The following PHF21B variants were observed in gnomAD, a reference collection of about 807,000 sequenced individuals.
PHF21B encodes the protein PHD finger protein 21B.
Under a neutral mutation model 62.2 loss-of-function variants are expected in PHF21B, and 22 were observed. That is an observed-to-expected ratio of 0.35 (90% CI 0.25 to 0.51). The LOEUF is 0.51. Ranked by LOEUF, PHF21B falls within the 20% of genes least tolerant of loss-of-function variation. PHF21B has a pLI of 0.97. For synonymous variants in PHF21B, 341 were observed against 314.7 expected, an observed-to-expected ratio of 1.08 and a Z score of -0.88; for missense variants, 701 against 707.9, an observed-to-expected ratio of 0.99 and a Z score of 0.11.
At chr22:44,979,199 T>C (rs78129177) in intron 2 of PHF21B, among the ~76,000 whole-genome samples, 2,369 of 152,326 alleles carry the variant, frequency 0.016, 47 homozygotes, top group African/African-American at 0.051. Context: ...ATCCTCCTGC[T>C]GGCTTGGGGG....
chr22:44,913,977 G>C lies in PHF21B; in HGVS notation c.676C>G (p.His226Asp), dbSNP rs748056039. 40 of 1,611,218 alleles carry C rather than the reference G, an allele frequency of 2.5e-5. No homozygotes were observed. The highest frequency in any genetic ancestry group is 3.2e-5 in the Non-Finnish European group (38 of 1,178,132). Residue 226 changes from histidine to aspartate, a missense_variant, in exon 5 of 13, where the codon CAT becomes GAT. Transcript: ENST00000313237. ...PSPSLSPSPL[H>D]GIFQVIIIQP... ...ATGATGATGACCTGGAAGATGCCAT[G>C]GAGGGGTGAAGGGGACAGTGATGGG...
At position 44,922,805 on chromosome 22, in the gene PHF21B, G is replaced by A. The variant is rs148304430; in HGVS notation, c.121-2315C>T. ...TGTACACTGGAAACTTCCAAATATC[G>A]CCAAAAGAATTGTTTAAAGACTTAA... On this transcript the variant is annotated intron_variant, in intron 2 of 12. Transcript: ENST00000313237. 1.4e-4 allele frequency among the ~76,000 whole-genome samples: 21 copies of A among 152,120 alleles called. No individual in the cohort carries two copies. In the East Asian group the frequency reaches 3.5e-3, roughly 25 times the overall value.
At chr22:44,908,685 G>A (rs1049092173) in intron 5 of PHF21B, among the ~76,000 whole-genome samples, 27 of 152,304 alleles carry the variant, frequency 1.8e-4, no homozygotes, top group African/African-American at 6.5e-4. Context: ...CTCCTGTGAC[G>A]TTTCTGGGGG....
chr22:44,975,476 TG>T (rs372890752), intron 2 of PHF21B, among the ~76,000 whole-genome samples: 177 of 152,300 alleles, frequency 1.2e-3, no homozygotes, highest in African/African-American at 4.0e-3. Context: ...GTACTGCACA[TG>T]GAGTCCCCTC....
chr22:44,890,253 A>T (rs75646706), intron 8 of PHF21B, among the ~76,000 whole-genome samples: 3,732 of 152,268 alleles, frequency 0.025, 152 homozygotes, highest in African/African-American at 0.084. Flanking sequence ...CCCGGGGGGA[A>T]GGAAACATCA....
At chr22:44,968,327 T>C (rs1302132197) in intron 2 of PHF21B, among the ~76,000 whole-genome samples, 1 of 152,152 alleles carries the variant, frequency 6.6e-6, no homozygotes, top group African/African-American at 2.4e-5. Context: ...ATGCAACACA[T>C]ATTGAGTATC....
intron 10 of PHF21B, among the ~76,000 whole-genome samples, chr22:44,886,747 C>T (rs1166898459): frequency 1.3e-5 from 2 of 152,118 alleles, no homozygotes; most frequent in African/African-American, 2.4e-5. Context: ...GGCAGGTAGC[C>T]GCAGAGGGAA....
intron 2 of PHF21B, among the ~76,000 whole-genome samples, chr22:45,001,712 TG>T (rs751795177): frequency 6.6e-6 from 1 of 152,194 alleles, no homozygotes; most frequent in African/African-American, 2.4e-5. Flanking sequence ...TTCATATTCG[TG>T]GAATTAACCT....
At chr22:45,008,668 G>A in intron 1 of PHF21B, 58 bp from the exon 2 acceptor site, 9 of 1,305,666 alleles carry the variant, frequency 6.9e-6, no homozygotes, top group South Asian at 5.8e-5. Context: ...GTGCACCCCA[G>A]CACCGCGGGC....
intron 2 of PHF21B, among the ~76,000 whole-genome samples, chr22:44,946,695 T>C (rs1455126090): frequency 6.6e-6 from 1 of 152,098 alleles, no homozygotes; most frequent in East Asian, 1.9e-4. Flanking sequence ...CAGAAGACTC[T>C]CCTGCCTCAT....
At chr22:44,902,762 T>C (rs1414861100) in intron 5 of PHF21B, among the ~76,000 whole-genome samples, 9 of 152,048 alleles carry the variant, frequency 5.9e-5, no homozygotes, top group Admixed American at 1.3e-4. Flanking sequence ...AATTTTTTTT[T>C]CCTAGTATTC....
At chr22:44,947,603 T>A (rs1216015460) in intron 2 of PHF21B, among the ~76,000 whole-genome samples, 1 of 152,166 alleles carries the variant, frequency 6.6e-6, no homozygotes, top group Non-Finnish European at 1.5e-5. Flanking sequence ...AGGCACCAAA[T>A]TCTGCCTCTC....
intron 2 of PHF21B, among the ~76,000 whole-genome samples, chr22:44,930,945 C>T (rs1303839601): frequency 6.6e-6 from 1 of 152,208 alleles, no homozygotes; most frequent in Non-Finnish European, 1.5e-5. Flanking sequence ...GTGACAGCCC[C>T]GATACCCAGC....
At chr22:44,975,134 C>T (rs2072713176) in intron 2 of PHF21B, among the ~76,000 whole-genome samples, 1 of 152,226 alleles carries the variant, frequency 6.6e-6, no homozygotes, top group Admixed American at 6.5e-5. Flanking sequence ...AGCAGAGAAT[C>T]TTCCTGAAGC....
At chr22:44,999,774 G>A (rs915644390) in intron 2 of PHF21B, among the ~76,000 whole-genome samples, 1 of 151,964 alleles carries the variant, frequency 6.6e-6, no homozygotes, top group Non-Finnish European at 1.5e-5. Flanking sequence ...ACTCACCAGG[G>A]GTGTGATCTC....
At chr22:44,995,064 G>A (rs1446009477) in intron 2 of PHF21B, among the ~76,000 whole-genome samples, 1 of 152,202 alleles carries the variant, frequency 6.6e-6, no homozygotes, top group Non-Finnish European at 1.5e-5. Flanking sequence ...AAACAAAGCA[G>A]CAGAGGTGCA....
intron 2 of PHF21B, among the ~76,000 whole-genome samples, chr22:44,961,404 G>A (rs1395561478): frequency 3.3e-5 from 5 of 152,072 alleles, no homozygotes; most frequent in Admixed American, 1.3e-4. Context: ...TTCAACCCTC[G>A]CTCCCCTCCT....
At chr22:44,926,025 C>T (rs900663404) in intron 2 of PHF21B, among the ~76,000 whole-genome samples, 19 of 65,904 alleles carry the variant, frequency 2.9e-4, no homozygotes, top group African/African-American at 7.4e-4. Flanking sequence ...AGTAAGCAAG[C>T]CCTGTGGTGG....
At chr22:44,889,632 A>C in intron 9 of PHF21B, 128 bp downstream of exon 9, 1 of 1,184,934 alleles carries the variant, frequency 8.4e-7, no homozygotes, top group Non-Finnish European at 1.2e-6. Context: ...TAGCACCTAA[A>C]GGCAGAACCG....
Sources: allele counts gnomAD v4.1 joint callset (sites outside exome capture counted in the v4.1 genomes callset), GRCh38; gene constraint gnomAD v4.1.1; transcripts MANE v1.5; gene names NCBI Gene and HGNC (gene_info 2026-07-23, HGNC 2026-07-21).